FAM178B: variants seen among roughly 807,000 people sequenced by gnomAD.
FAM178B encodes protein FAM178B.
A neutral mutation model predicts 91.7 loss-of-function variants in FAM178B; 82 were observed. The observed-to-expected ratio is 0.89, with a 90% CI of 0.75 to 1.07. FAM178B has a LOEUF of 1.07. Ranked by LOEUF, FAM178B falls within the 50% of genes least tolerant of loss-of-function variation. The probability of loss-of-function intolerance (pLI) is 0.00; values close to 1 mark genes in which losing one functional copy is unlikely to be tolerated. For missense variants in FAM178B, 769 were observed against 846.7 expected (o/e 0.91, Z 1.14); for synonymous variants, 368 against 359.4 (o/e 1.02, Z -0.27).
chr2:96,928,969 G>C (rs1202401366), intron 9 of FAM178B, among the ~76,000 whole-genome samples: 3 of 137,830 alleles, frequency 2.2e-5, no homozygotes, highest in African/African-American at 1.0e-4. Flanking sequence ...GGACAACGTA[G>C]GGAGACCCCC....
In FAM178B at chr2:96,893,941, G is replaced by GGCA; in HGVS notation, c.1758_1760dup (p.Ala587dup). 1.2e-6 allele frequency: 2 copies of GGCA among 1,612,480 alleles called. No homozygotes were observed. Among genetic ancestry groups the GGCA allele is most frequent in the Non-Finnish European group, 1.7e-6 (2 of 1,179,482 alleles). On this transcript the variant is annotated inframe_insertion, in exon 14 of 17. Coordinates refer to ENST00000490605, the MANE Select transcript of FAM178B (RefSeq NM_001122646.3). ...GCTCACTCACCTTGTGGTCTAGCTC[G>GGCA]GCACTAGCCTTTGGCTGTTGCTCCT...
intron 14 of FAM178B, among the ~76,000 whole-genome samples, chr2:96,890,368 G>A (rs1223744629): frequency 1.3e-5 from 2 of 152,312 alleles, no homozygotes; most frequent in South Asian, 2.1e-4. Context: ...GGACGCTGAG[G>A]TAGGAGGATC....
At chr2:96,878,342 G>T in intron 15 of FAM178B, 74 bp downstream of exon 15, 1 of 1,445,332 alleles carries the variant, frequency 6.9e-7, no homozygotes, top group Non-Finnish European at 9.6e-7. Flanking sequence ...CGCCATCCCA[G>T]CCAACCCCCG....
intron 6 of FAM178B, among the ~76,000 whole-genome samples, chr2:96,953,449 G>A (rs540075290): frequency 6.6e-6 from 1 of 152,202 alleles, no homozygotes; most frequent in Non-Finnish European, 1.5e-5. Flanking sequence ...GTTTCTTAGT[G>A]GGAGAATTGA....
In FAM178B at chr2:96,972,207, G is replaced by A. The variant is rs948488692; in HGVS notation, c.258C>T (p.Ala86=). 1.3e-6 allele frequency: 2 copies of A among 1,545,444 alleles called. No individual in the cohort carries two copies. Among genetic ancestry groups the A allele is most frequent in the Middle Eastern group, 1.7e-4 (1 of 5,924 alleles). The change falls in exon 3 of 17, where the codon GCC becomes GCT. Residue 86 remains alanine (A), a synonymous_variant. Transcript: ENST00000490605. ...RCPARRPCSP[A]SAPAPTSPKK... ...TTGGCGATGTGGGAGCTGGAGCCGA[G>A]GCAGGGCTGCAGGGCCGCCGGGCAG...
chr2:96,973,276 C>T (rs898761991), intron 1 of FAM178B, among the ~76,000 whole-genome samples: 10 of 150,950 alleles, frequency 6.6e-5, no homozygotes, highest in African/African-American at 1.9e-4. Flanking sequence ...TCTGAGATGA[C>T]GCCCCACCCA....
rs2081501336 is a variant in FAM178B, at chr2:96,929,312, T to C, written c.1087A>G (p.Lys363Glu). The C allele has an allele frequency of 6.5e-7, 1 of 1,549,728 alleles. No individual in the cohort carries two copies. The highest frequency in any genetic ancestry group is 1.4e-5 in the African/African-American group (1 of 72,990). Residue 363 changes from lysine (K) to glutamate (E), a missense_variant, in exon 9 of 17, where the codon AAG (lysine) becomes GAG (glutamate). Transcript: ENST00000490605. The stretch of plus-strand genomic sequence containing the variant: ...TGCAGTGAGGGGCACCACAGGTGCT[T>C]GTCTTCATCTGTCAGGCCAAAAGGG... ...DGIFLQPDED[K>E]HLWCPSLQEV...
At chr2:96,961,341 A>G (rs1730125) in intron 5 of FAM178B, among the ~76,000 whole-genome samples, 1 of 82,408 alleles carries the variant, frequency 1.2e-5, no homozygotes, top group Admixed American at 1.0e-4. Flanking sequence ...GTGTGTGTGT[A>G]CACACACACA....
At chr2:96,895,886 G>A (rs950869093) in intron 13 of FAM178B, among the ~76,000 whole-genome samples, 1 of 152,224 alleles carries the variant, frequency 6.6e-6, no homozygotes, top group Non-Finnish European at 1.5e-5. Flanking sequence ...AAGAGCAGCT[G>A]GGCTGGGGGC....
At chr2:96,946,866 G>C (rs2081837875) in intron 8 of FAM178B, among the ~76,000 whole-genome samples, 1 of 152,230 alleles carries the variant, frequency 6.6e-6, no homozygotes, top group African/African-American at 2.4e-5. Context: ...TCGCTTAGAG[G>C]GCTCCATGGA....
intron 4 of FAM178B, 64 bp downstream of exon 4, chr2:96,970,652 T>TC (rs34541369): frequency 7.8e-7 from 1 of 1,281,270 alleles, no homozygotes; most frequent in Non-Finnish European, 1.1e-6. Flanking sequence ...CTGCAGTGAG[T>TC]CCCGGGACTG....
chr2:96,984,739 G>T (rs992377159), intron 1 of FAM178B, among the ~76,000 whole-genome samples: 84 of 152,212 alleles, frequency 5.5e-4, no homozygotes, highest in African/African-American at 1.9e-3. Flanking sequence ...TTGTCTATCT[G>T]TTGTTTCCAG....
chr2:96,947,293 C>T (rs1174079766), intron 8 of FAM178B, among the ~76,000 whole-genome samples: 1 of 152,164 alleles, frequency 6.6e-6, no homozygotes, highest in East Asian at 1.9e-4. Context: ...ACAACCAAGG[C>T]ACCAGCTTGA....
rs755186069 is a variant in FAM178B at position 96,972,300 on chromosome 2, C to A, written c.165G>T (p.Val55=). 1 of 1,472,792 alleles carries A rather than the reference C, an allele frequency of 6.8e-7. No homozygotes were observed. The allele number at this position is 1,472,792 out of a possible 1,614,324, so 91.2% of individuals were successfully genotyped here. A position where few individuals can be genotyped will look rare whatever the true frequency, so the allele number is the denominator to read the frequency against. ...CCTCCAGGTTGTACAGGAGGATGGG[C>A]ACGGTGGCGGCAGCCTGCACCCCTG... ...LREGVQAAAT[V]PILLYNLEDG... The change falls in exon 3 of 17, where the codon GTG becomes GTT. Residue 55 remains valine, a synonymous_variant. Coordinates refer to ENST00000490605, the MANE Select transcript of FAM178B (RefSeq NM_001122646.3).
Position 96,906,811 on chromosome 2 carries a change from G to A in FAM178B, c.1563-4104C>T, listed in dbSNP as rs186391181. 7.1e-3 allele frequency among the ~76,000 whole-genome samples: 1,067 copies of A among 149,458 alleles called. 10 individuals are homozygous for A. Among genetic ancestry groups the A allele is most frequent in the African/African-American group, 0.024 (995 of 40,836 alleles). On this transcript the variant is annotated intron_variant, in intron 12 of 16. Transcript: ENST00000490605. Reference sequence around the variant, plus strand: ...TGGGAGCCCCAGCAGCAGCTGGGCCGGGAACACAGTGGGAGGTCAATGGCC... The same window carrying A: ...TGGGAGCCCCAGCAGCAGCTGGGCCAGGAACACAGTGGGAGGTCAATGGCC...
chr2:96,933,849 A>G (rs1254076143), intron 8 of FAM178B, among the ~76,000 whole-genome samples: 1 of 152,176 alleles, frequency 6.6e-6, no homozygotes, highest in Non-Finnish European at 1.5e-5. Flanking sequence ...TTCCTAAAGG[A>G]AAGCAAGCTA....
At chr2:96,883,439 AT>A (rs1010434140) in intron 14 of FAM178B, among the ~76,000 whole-genome samples, 55 of 152,312 alleles carry the variant, frequency 3.6e-4, no homozygotes, top group African/African-American at 1.3e-3. Flanking sequence ...GCCAGAACAT[AT>A]AACCTTTCTC....
chr2:96,972,347 G>T (rs1327054339), intron 2 of FAM178B, 25 bp from the exon 3 acceptor site: 1 of 1,467,032 alleles, frequency 6.8e-7, no homozygotes, highest in African/African-American at 1.4e-5. Context: ...GAATACTGTG[G>T]TCCCTCTGCC....
Position 96,951,435 on chromosome 2 carries a change from T to C in FAM178B, c.937A>G (p.Ile313Val), listed in dbSNP as rs989213397. 2.6e-6 allele frequency: 4 copies of C among 1,551,256 alleles called. No individual in the cohort carries two copies. The highest frequency in any genetic ancestry group is 2.4e-5 in the South Asian group (2 of 84,044). ...CAGTCAGGCATGTGCAGGTAGAGGA[T>C]GTTCAGGAGGCCACTGCGCAGGAAG... Reference protein sequence around the residue: ...LSFLRSGLLNILYLHMPDCPV... With the variant: ...LSFLRSGLLNVLYLHMPDCPV... The change falls in exon 7 of 17, where the codon ATC becomes GTC. Residue 313 changes from isoleucine to valine, a missense_variant. Ile to Val is a conservative substitution (Grantham distance 29, BLOSUM62 3). Coordinates refer to ENST00000490605, the MANE Select transcript of FAM178B (RefSeq NM_001122646.3).
Sources: gnomAD v4.1 joint callset for allele counts (sites outside exome capture counted in the v4.1 genomes callset) on GRCh38, gnomAD v4.1.1 for gene constraint, MANE v1.5 for transcripts, NCBI Gene and HGNC (gene_info 2026-07-23, HGNC 2026-07-21) for gene names.